Variants in ANP32A observed in about 807,000 individuals in gnomAD.
ANP32A encodes the protein acidic leucine-rich nuclear phosphoprotein 32 family member A.
A neutral mutation model predicts 33.9 loss-of-function variants in ANP32A; 1 was observed. That is an observed-to-expected ratio of 0.03 (90% CI 0.01 to 0.14). The LOEUF is 0.14. Among genes scored for constraint, ANP32A ranks in the 10% least tolerant of loss-of-function variants. ANP32A has a pLI of 1.00. For missense variants in ANP32A, 155 were observed against 306.0 expected, an observed-to-expected ratio of 0.51 and a Z score of 3.68; for synonymous variants, 115 against 120.5, an observed-to-expected ratio of 0.95 and a Z score of 0.30.
intron 1 of ANP32A, among the ~76,000 whole-genome samples, chr15:68,807,549 C>G (rs1319534768): frequency 1.3e-5 from 2 of 152,192 alleles, no homozygotes; most frequent in Non-Finnish European, 2.9e-5. Flanking sequence ...TGCTCCCACC[C>G]CAGCAAGCAC....
At chr15:68,798,679 A>G (rs1015137010) in intron 1 of ANP32A, among the ~76,000 whole-genome samples, 9 of 152,206 alleles carry the variant, frequency 5.9e-5, no homozygotes, top group African/African-American at 2.2e-4. Context: ...GGTGGAAAAT[A>G]AAATTAGCTG....
intron 1 of ANP32A, chr15:68,817,682 TGG>T (rs11299136): frequency 6.6e-5 from 10 of 151,022 alleles, no homozygotes; most frequent in South Asian, 6.3e-4. Flanking sequence ...AGGGAGCGCG[TGG>T]GGGGGGGCAT....
chr15:68,817,170 C>A (rs976566965), intron 1 of ANP32A, among the ~76,000 whole-genome samples: 1 of 152,224 alleles, frequency 6.6e-6, no homozygotes, highest in Non-Finnish European at 1.5e-5. Context: ...CGACGAATTG[C>A]CTGGCTCCTA....
intron 3 of ANP32A, among the ~76,000 whole-genome samples, chr15:68,785,978 T>G (rs944205805): frequency 1.2e-4 from 18 of 152,168 alleles, no homozygotes; most frequent in Admixed American, 3.3e-4. Flanking sequence ...GGAAGCACAT[T>G]CTACTAGTTG....
intron 1 of ANP32A, chr15:68,817,682 TG>T (rs11299136): frequency 0.94 from 141,471 of 151,010 alleles, 66,569 homozygotes; most frequent in Non-Finnish European, 0.98. Flanking sequence ...AGGGAGCGCG[TG>T]GGGGGGGGCA....
At chr15:68,819,456 G>A (rs1353794195) in intron 1 of ANP32A, among the ~76,000 whole-genome samples, 1 of 152,290 alleles carries the variant, frequency 6.6e-6, no homozygotes, top group East Asian at 1.9e-4. Flanking sequence ...TCCTCCGGCC[G>A]TGCTCCCGCC....
At chr15:68,800,743 C>CAA (rs398070692) in intron 1 of ANP32A, among the ~76,000 whole-genome samples, 1 of 83,640 alleles carries the variant, frequency 1.2e-5, no homozygotes, top group Admixed American at 1.5e-4. Context: ...GACTCCGTCT[C>CAA]AAAAAAAAAA....
intron 3 of ANP32A, 66 bp downstream of exon 3, chr15:68,787,347 T>C (rs1335850088): frequency 1.9e-5 from 31 of 1,602,360 alleles, no homozygotes; most frequent in East Asian, 4.5e-5. Context: ...GCAAAAGTAG[T>C]ATTTGCTGAT....
chr15:68,815,699 T>C (rs916771137), intron 1 of ANP32A, among the ~76,000 whole-genome samples: 4 of 152,184 alleles, frequency 2.6e-5, no homozygotes, highest in Admixed American at 1.3e-4. Context: ...GACTATCCAA[T>C]CCTCGGAATC....
At chr15:68,785,072 A>C (rs1222816455) in intron 3 of ANP32A, among the ~76,000 whole-genome samples, 4 of 152,194 alleles carry the variant, frequency 2.6e-5, no homozygotes, top group Non-Finnish European at 5.9e-5. Context: ...GTACTGAGTC[A>C]CTTTATCTCA....
chr15:68,806,090 A>G (rs1894218216), intron 1 of ANP32A, among the ~76,000 whole-genome samples: 1 of 152,100 alleles, frequency 6.6e-6, no homozygotes, highest in African/African-American at 2.4e-5. Flanking sequence ...TAACCCCTCC[A>G]CAGTATTGTG....
rs1262960155 is a variant in ANP32A at position 68,778,780 on chromosome 15, T to G, written c.*1301A>C. The G allele has an allele frequency of 2.6e-5, 4 of 152,090 alleles. No individual in the cohort carries two copies. Among genetic ancestry groups the G allele is most frequent in the African/African-American group, 9.7e-5 (4 of 41,418 alleles). The allele number at this position is 152,090 out of a possible 1,614,324, so 9.4% of individuals were successfully genotyped here. ...CAAACATAGTATCACATTATATATA[T>G]CTCATAAGAAAAGCTATTCTATCAG... On this transcript the variant is annotated 3_prime_UTR_variant, in exon 7 of 7. Coordinates refer to ENST00000465139, the MANE Select transcript of ANP32A (RefSeq NM_006305.4).
chr15:68,817,882 C>G (rs1376333321), intron 1 of ANP32A, among the ~76,000 whole-genome samples: 2 of 152,174 alleles, frequency 1.3e-5, no homozygotes, highest in Non-Finnish European at 2.9e-5. Flanking sequence ...CTCCGCTCCC[C>G]CCGCCCCCCA....
chr15:68,812,343 G>C (rs758198855), intron 1 of ANP32A, among the ~76,000 whole-genome samples: 13 of 152,164 alleles, frequency 8.5e-5, no homozygotes, highest in Non-Finnish European at 1.6e-4. Flanking sequence ...CTGAAGGATG[G>C]GGCCCTGGGT....
rs1357916924 is a variant in ANP32A at position 68,780,389 on chromosome 15, A to T, written c.688+21T>A. ...GAAAGGGCCAGGCTGCTACCAGCTG[A>T]GAGTAAAAAGGCTGCCATACCACCA... On this transcript the variant is annotated intron_variant, in intron 6 of 6. Transcript: ENST00000465139. This position sits in a 1 kb window ranked among gnomAD's most constrained non-coding sequence, Gnocchi z 4.3. 6.2e-7 allele frequency: 1 copy of T among 1,613,968 alleles called. No individual in the cohort carries two copies. Among genetic ancestry groups the T allele is most frequent in the South Asian group, 1.1e-5 (1 of 91,084 alleles).
chr15:68,807,604 A>G (rs1213247934), intron 1 of ANP32A, among the ~76,000 whole-genome samples: 3 of 152,116 alleles, frequency 2.0e-5, no homozygotes, highest in African/African-American at 4.8e-5. Context: ...CCGCTGACCA[A>G]ACAGCTCATT....
chr15:68,780,468 A>G lies in ANP32A; in HGVS notation c.630T>C (p.Asp210=), dbSNP rs1193711829. 6.2e-7 allele frequency: 1 copy of G among 1,613,842 alleles called. No individual in the cohort carries two copies. Among genetic ancestry groups the G allele is most frequent in the African/African-American group, 1.3e-5 (1 of 74,910 alleles). Residue 210 remains aspartate (D), a synonymous_variant, in exon 6 of 7, where the codon GAT becomes GAC. Coordinates refer to ENST00000465139, the MANE Select transcript of ANP32A (RefSeq NM_006305.4). This position sits in a 1 kb window ranked among gnomAD's most constrained non-coding sequence, Gnocchi z 4.3. ...EEDVSGEEEE[D]EEGYNDGEVD... ...CCTCTCCATCGTTATAACCTTCTTC[A>G]TCCTCCTAGGAGAAAGGACAGACAC...
intron 4 of ANP32A, chr15:68,784,144 G>T: frequency 1.8e-6 from 1 of 557,004 alleles, no homozygotes; most frequent in East Asian, 3.0e-5. Context: ...ATATTTCCAT[G>T]AGCATGGGAC....
In ANP32A at chr15:68,820,832, AG is replaced by A; in HGVS notation, c.-82del. The A allele has an allele frequency of 6.5e-7, 1 of 1,540,898 alleles. No individual in the cohort carries two copies. ...CCCCGAACCCACGGCCGCGCGTTTTAGGACTTTGAAGGCTCAACCAGCTCCG... is the reference window on the plus strand; with the variant it reads ...CCCCGAACCCACGGCCGCGCGTTTTAGACTTTGAAGGCTCAACCAGCTCCG... On this transcript the variant is annotated 5_prime_UTR_variant, in exon 1 of 7. Transcript: ENST00000465139.
Sources: gnomAD v4.1 joint callset for allele counts (sites outside exome capture counted in the v4.1 genomes callset) on GRCh38, gnomAD v4.1.1 for gene constraint, Gnocchi (gnomAD v3.1) non-coding constraint, MANE v1.5 for transcripts, NCBI Gene and HGNC (gene_info 2026-07-23, HGNC 2026-07-21) for gene names.